Variants in ZBTB38 observed in about 807,000 individuals in gnomAD.
ZBTB38 encodes zinc finger and BTB domain containing 38.
In ZBTB38, 20 loss-of-function variants were observed where a neutral mutation model predicts 76.8. The ratio of observed to expected loss-of-function variants is 0.26; its 90% CI spans 0.18 to 0.38. ZBTB38 has a LOEUF of 0.38. ZBTB38 is among the 10% of genes least tolerant of loss of function. The pLI is 1.00. For missense variants in ZBTB38, 1,082 were observed against 1,482.3 expected (o/e 0.73, Z 4.43); for synonymous variants, 504 against 544.2 (o/e 0.93, Z 1.03).
intron 3 of ZBTB38, chr3:141,386,109 TA>T (rs1947032912): frequency 6.6e-6 from 1 of 152,212 alleles, no homozygotes; most frequent in Non-Finnish European, 1.5e-5. Flanking sequence ...CTTGTTACTT[TA>T]AAATTTAGCT....
chr3:141,359,163 C>T (rs1350578258), intron 1 of ZBTB38, among the ~76,000 whole-genome samples: 1 of 152,212 alleles, frequency 6.6e-6, no homozygotes, highest in Non-Finnish European at 1.5e-5. Flanking sequence ...AAGGACCCAG[C>T]TCTTCCACCT....
In ZBTB38 at chr3:141,368,556, G is replaced by T. The variant is rs962866772; in HGVS notation, c.-558G>T. On this transcript the variant is annotated 5_prime_UTR_variant, in exon 1 of 6. Coordinates refer to ENST00000321464, the MANE Select transcript of ZBTB38 (RefSeq NM_001376113.1). ...GCAAATCTCAAAATAAAGAGGCAAC[G>T]GCCTTTCTCTTCCTCTCCATCTCCC... 5 of 152,078 alleles carry T rather than the reference G, an allele frequency of 3.3e-5. No individual in the cohort carries two copies. Among genetic ancestry groups the T allele is most frequent in the African/African-American group, 1.2e-4 (5 of 41,390 alleles). 9.4% of individuals were successfully genotyped at this position (152,078 alleles called of 1,614,324 possible). A position where few individuals can be genotyped will look rare whatever the true frequency, so the allele number is the denominator to read the frequency against.
intron 4 of ZBTB38, chr3:141,403,177 C>T (rs1452632883): frequency 6.6e-6 from 1 of 152,192 alleles, no homozygotes; most frequent in East Asian, 1.9e-4. Flanking sequence ...CCATTCTGGA[C>T]GTTGGCCCTA....
At chr3:141,391,426 T>C (rs1014548067) in intron 4 of ZBTB38, among the ~76,000 whole-genome samples, 1 of 152,190 alleles carries the variant, frequency 6.6e-6, no homozygotes, top group African/African-American at 2.4e-5. Context: ...GGACTGAGGC[T>C]TAACTTAGGT....
chr3:141,357,594 A>G (rs990811047), intron 1 of ZBTB38, among the ~76,000 whole-genome samples: 2 of 152,090 alleles, frequency 1.3e-5, no homozygotes, highest in African/African-American at 4.8e-5. Context: ...CAGTGGCGCA[A>G]TCTCGGCTCA....
intron 5 of ZBTB38, among the ~76,000 whole-genome samples, chr3:141,431,341 A>AAAAAAAT: frequency 1.9e-5 from 2 of 103,282 alleles, no homozygotes; most frequent in African/African-American, 1.2e-4. Context: ...AAAAAAAAAA[A>AAAAAAAT]ATATATATAT....
At position 141,448,768 on chromosome 3, in the gene ZBTB38, C is replaced by T. The variant is rs2081285914; in HGVS notation, c.*2792C>T. 1 of 152,186 alleles carries T rather than the reference C, an allele frequency of 6.6e-6. No individual in the cohort carries two copies. Among genetic ancestry groups the T allele is most frequent in the African/African-American group, 2.4e-5 (1 of 41,442 alleles). The allele number at this position is 152,186 out of a possible 1,614,324, so 9.4% of individuals were successfully genotyped here. A position where few individuals can be genotyped will look rare whatever the true frequency, so the allele number is the denominator to read the frequency against. On this transcript the variant is annotated 3_prime_UTR_variant, in exon 6 of 6. Transcript: ENST00000321464. ...GCAGCTATTTCATCTGTGTGAGTCACAGCTTTGTTTCCACGTATTATTCAG... is the reference window on the plus strand; with the variant it reads ...GCAGCTATTTCATCTGTGTGAGTCATAGCTTTGTTTCCACGTATTATTCAG...
rs1201736908 is a variant in ZBTB38 at position 141,441,114 on chromosome 3, G to A, written c.1-1275G>A. Among the ~76,000 whole-genome samples the A allele has an allele frequency of 2.6e-5, 4 of 152,076 alleles. No individual in the cohort carries two copies. The South Asian group carries it at 6.2e-4, about 24-fold the overall frequency. On this transcript the variant is annotated intron_variant, in intron 5 of 5. Coordinates refer to ENST00000321464, the MANE Select transcript of ZBTB38 (RefSeq NM_001376113.1). ...ACAGAATGCATCACACCTAGTAAGG[G>A]TGAGTGTTAATTTCATTTGTGTCTT...
In ZBTB38 at chr3:141,355,546, G is replaced by A. The variant is rs111761150; in HGVS notation, c.-738-13075G>A. On this transcript the variant is annotated intron_variant, in intron 1 of 7. Coordinates refer to the ZBTB38 transcript ENST00000509842. ...CTGTGCTTGTCTCCCCTGGCCACAGGTTATCCATGGAGAGCCCTACTCCGG... is the reference window on the plus strand; with the variant it reads ...CTGTGCTTGTCTCCCCTGGCCACAGATTATCCATGGAGAGCCCTACTCCGG... Among the ~76,000 whole-genome samples, 353 of 152,222 alleles carry A rather than the reference G, an allele frequency of 2.3e-3. 3 individuals are homozygous for A. The highest frequency in any genetic ancestry group is 8.2e-3 in the African/African-American group (341 of 41,520).
rs1448420911 is a variant in ZBTB38 at position 141,448,370 on chromosome 3, AT to A, written c.*2395del. On this transcript the variant is annotated 3_prime_UTR_variant, in exon 6 of 6. Transcript: ENST00000321464. ...GAGGGGTGTATATTTTGATAAAAAAATACTTGACTTTGTAATTCTGTATATT... is the reference window on the plus strand; with the variant it reads ...GAGGGGTGTATATTTTGATAAAAAAAACTTGACTTTGTAATTCTGTATATT... 6.6e-6 allele frequency: 1 copy of A among 152,652 alleles called. No individual in the cohort carries two copies. The highest frequency in any genetic ancestry group is 2.4e-5 in the African/African-American group (1 of 41,466). 9.5% of individuals were successfully genotyped at this position (152,652 alleles called of 1,614,324 possible). A position where few individuals can be genotyped will look rare whatever the true frequency, so the allele number is the denominator to read the frequency against.
chr3:141,372,778 G>T (rs1162835091), intron 2 of ZBTB38, among the ~76,000 whole-genome samples: 1 of 152,184 alleles, frequency 6.6e-6, no homozygotes, highest in African/African-American at 2.4e-5. Flanking sequence ...ATGATGTGTT[G>T]CTGGAAGTCC....
chr3:141,333,801 C>T (rs140920395), intron 1 of ZBTB38, among the ~76,000 whole-genome samples: 1 of 152,292 alleles, frequency 6.6e-6, no homozygotes, highest in Non-Finnish European at 1.5e-5. Context: ...TGGATATTTT[C>T]ATAGCCAGCT....
chr3:141,363,184 T>C lies in ZBTB38; in HGVS notation c.-738-5437T>C, dbSNP rs143699808. On this transcript the variant is annotated intron_variant, in intron 1 of 7. Coordinates refer to the ZBTB38 transcript ENST00000509842. ...AGTTAATAAAATACTCGAGAATAAA[T>C]TTAACAAAAGAATTGCAAGACTTGT... 3.0e-4 allele frequency among the ~76,000 whole-genome samples: 46 copies of C among 152,252 alleles called. 2 individuals are homozygous for C. The East Asian group carries it at 7.9e-3, about 26-fold the overall frequency.
At chr3:141,386,512 A>G (rs1029665697) in intron 3 of ZBTB38, 2 of 152,238 alleles carry the variant, frequency 1.3e-5, no homozygotes, top group Non-Finnish European at 2.9e-5. Flanking sequence ...TAGAAATGCT[A>G]TACCCTTTAT....
intron 5 of ZBTB38, among the ~76,000 whole-genome samples, chr3:141,437,961 G>T (rs1434777013): frequency 6.6e-6 from 1 of 151,984 alleles, no homozygotes; most frequent in African/African-American, 2.4e-5. Context: ...GCCCAGGCTG[G>T]AGTGCAGTGG....
chr3:141,362,457 C>T (rs546161589), intron 1 of ZBTB38, among the ~76,000 whole-genome samples: 2 of 152,052 alleles, frequency 1.3e-5, no homozygotes, highest in African/African-American at 4.8e-5. Flanking sequence ...TGACCACCAG[C>T]ACAAAAAACA....
intron 1 of ZBTB38, among the ~76,000 whole-genome samples, chr3:141,331,058 G>A (rs987378141): frequency 5.9e-5 from 9 of 152,250 alleles, no homozygotes; most frequent in Admixed American, 2.0e-4. Flanking sequence ...TCAAAGAGAA[G>A]ATATATGTAG....
At chr3:141,439,994 G>T (rs2079741670) in intron 5 of ZBTB38, among the ~76,000 whole-genome samples, 1 of 152,178 alleles carries the variant, frequency 6.6e-6, no homozygotes, top group Non-Finnish European at 1.5e-5. Context: ...TCACTCCGGG[G>T]TCACCCTTTC....
chr3:141,442,811 G>A lies in ZBTB38; in HGVS notation c.423G>A (p.Lys141=). The change falls in exon 6 of 6, where the codon AAG becomes AAA. Residue 141 remains lysine (K), a synonymous_variant. Coordinates refer to ENST00000321464, the MANE Select transcript of ZBTB38 (RefSeq NM_001376113.1). The surrounding 1 kb of genome is among the most constrained non-coding windows in gnomAD (Gnocchi z 6.4). ...CCTATGTATTCTGTATTACTGAAAA[G>A]GGAGTGGTTAAAGAAGAAAAAAATG... The part of the protein sequence containing the change: ...PGPYVFCITE[K]GVVKEEKNEK... The A allele has an allele frequency of 1.2e-6, 2 of 1,614,182 alleles. No homozygotes were observed. Among genetic ancestry groups the A allele is most frequent in the Non-Finnish European group, 1.7e-6 (2 of 1,180,030 alleles).
Sources: allele counts gnomAD v4.1 joint callset (sites outside exome capture counted in the v4.1 genomes callset), GRCh38; gene constraint gnomAD v4.1.1; non-coding constraint Gnocchi (gnomAD v3.1); transcripts MANE v1.5; gene names NCBI Gene and HGNC (gene_info 2026-07-23, HGNC 2026-07-21).